Variants in CEP135 observed in about 807,000 individuals in gnomAD.
The protein encoded by CEP135 is centrosomal protein 135, also known as centrosomal protein of 135 kDa.
CEP135 carries 142 observed loss-of-function variants against 157.3 expected under a neutral mutation model. The observed-to-expected ratio is 0.90, with a 90% CI of 0.79 to 1.04. The LOEUF (loss-of-function observed/expected upper bound fraction) is 1.04. Among genes scored for constraint, CEP135 ranks in the 50% least tolerant of loss-of-function variants. The pLI, the probability that CEP135 is intolerant of heterozygous loss-of-function variation, is 0.00. For missense variants in CEP135, 1,317 were observed against 1,309.2 expected (o/e 1.01, Z -0.09); for synonymous variants, 396 against 439.8 (o/e 0.90, Z 1.25).
At chr4:56,020,931 G>A in intron 24 of CEP135, 151 bp downstream of exon 24, 1 of 555,442 alleles carries the variant, frequency 1.8e-6, no homozygotes, top group Admixed American at 3.5e-5. Flanking sequence ...TTTAAAAAAG[G>A]CAACAAGTGT....
intron 5 of CEP135, 54 bp downstream of exon 5, chr4:55,957,418 T>C: frequency 1.3e-6 from 2 of 1,554,556 alleles, no homozygotes; most frequent in Non-Finnish European, 1.7e-6. Flanking sequence ...CAATTAGCTG[T>C]AAGTTTCTTG....
At chr4:55,962,552 A>C (rs1173035008) in intron 6 of CEP135, among the ~76,000 whole-genome samples, 1 of 152,086 alleles carries the variant, frequency 6.6e-6, no homozygotes, top group Non-Finnish European at 1.5e-5. Context: ...TGTCTTCTGC[A>C]CTCACTATGT....
At chr4:55,974,668 G>T (rs1417624763) in intron 10 of CEP135, 78 bp from the exon 11 acceptor site, 3 of 1,056,030 alleles carry the variant, frequency 2.8e-6, no homozygotes, top group Non-Finnish European at 4.1e-6. Context: ...CATTCTAAAA[G>T]TTATTAATAT....
At chr4:55,978,923 C>T (rs1460024467) in intron 11 of CEP135, among the ~76,000 whole-genome samples, 1 of 152,196 alleles carries the variant, frequency 6.6e-6, no homozygotes, top group Non-Finnish European at 1.5e-5. Flanking sequence ...TCCCAAAACA[C>T]TAATCTGCTT....
Position 55,974,817 on chromosome 4 carries a change from T to G in CEP135, c.1321T>G (p.Ser441Ala). The G allele has an allele frequency of 6.2e-7, 1 of 1,613,900 alleles. No homozygotes were observed. The highest frequency in any genetic ancestry group is 8.5e-7 in the Non-Finnish European group (1 of 1,179,886). ...AATAAAACGTCGAGACAGGTCACCT[T>G]CTCGTTTAGATACATTTCTGAAAGG... ...HGIKRRDRSPSRLDTFLKGIE... is the reference protein window; with the variant it reads ...HGIKRRDRSPARLDTFLKGIE... Residue 441 changes from serine (S) to alanine (A), a missense_variant, in exon 11 of 26, where the codon TCT becomes GCT. By Grantham distance (99) the Ser-to-Ala change is moderately conservative. Transcript: ENST00000257287.
chr4:56,019,454 T>C lies in CEP135; in HGVS notation c.3114T>C (p.Ala1038=), dbSNP rs1336450624. The C allele has an allele frequency of 2.5e-6, 4 of 1,613,864 alleles. 1 individual carries two copies. The African/African-American group carries it at 5.3e-5, about 22-fold the overall frequency. ...TTAAAAACCTCGAATCATTGTTGGC[T>C]ACAAACAGAGATAAAGAATTTCATT... is the stretch of plus-strand genomic sequence containing the variant. ...HTVKNLESLL[A]TNRDKEFHSH... The change falls in exon 23 of 26, where the codon GCT becomes GCC. Residue 1038 remains alanine, a synonymous_variant. Transcript: ENST00000257287.
intron 14 of CEP135, among the ~76,000 whole-genome samples, chr4:55,986,189 A>G (rs1421472514): frequency 6.6e-6 from 1 of 152,202 alleles, no homozygotes; most frequent in Non-Finnish European, 1.5e-5. Flanking sequence ...TGCCTGGCAT[A>G]TTGTAAGCTC....
At position 55,965,643 on chromosome 4, in the gene CEP135, G is replaced by T; in HGVS notation, c.829-1G>T. 1 of 1,599,118 alleles carries T rather than the reference G, an allele frequency of 6.3e-7. No individual in the cohort carries two copies. The highest frequency in any genetic ancestry group is 1.1e-5 in the South Asian group (1 of 87,064). ...CCTCATAAATTACAACTCCAATTTA[G>T]GTTGACTTTCTTCAGCAAGCTAATA... On this transcript the variant is annotated splice_acceptor_variant, in intron 7 of 25. Coordinates refer to ENST00000257287, the MANE Select transcript of CEP135 (RefSeq NM_025009.5). LOFTEE classifies it high-confidence loss of function.
At chr4:55,988,025 T>C (rs1215415126) in intron 14 of CEP135, among the ~76,000 whole-genome samples, 1 of 152,154 alleles carries the variant, frequency 6.6e-6, no homozygotes, top group African/African-American at 2.4e-5. Flanking sequence ...TAGTCATGAA[T>C]AATACAATTT....
chr4:56,000,730 T>C (rs1730138602), intron 17 of CEP135, among the ~76,000 whole-genome samples: 1 of 152,214 alleles, frequency 6.6e-6, no homozygotes, highest in Non-Finnish European at 1.5e-5. Context: ...AGATATTTCT[T>C]TGATATATTG....
intron 1 of CEP135, 140 bp from the exon 2 acceptor site, chr4:55,951,946 A>G (rs1216440672): frequency 2.0e-5 from 9 of 441,976 alleles, no homozygotes; most frequent in Non-Finnish European, 3.7e-5. Context: ...CATTGGCTTT[A>G]AATCTGAATT....
intron 4 of CEP135, among the ~76,000 whole-genome samples, chr4:55,954,720 T>C (rs574169132): frequency 1.2e-4 from 18 of 152,338 alleles, no homozygotes; most frequent in Admixed American, 1.1e-3. Context: ...TTAAAGAATT[T>C]GGAAATTATG....
chr4:56,007,613 T>C (rs985659274), intron 17 of CEP135, among the ~76,000 whole-genome samples: 11 of 152,224 alleles, frequency 7.2e-5, no homozygotes, highest in African/African-American at 1.7e-4. Flanking sequence ...TCCTGTGTGT[T>C]GAGGCATGGA....
intron 14 of CEP135, among the ~76,000 whole-genome samples, chr4:55,985,904 C>T (rs1729565927): frequency 6.6e-6 from 1 of 152,250 alleles, no homozygotes. Context: ...GACACCACTG[C>T]ACTCCAGCCT....
In CEP135 at chr4:56,016,883, G is replaced by A. The variant is rs534173685; in HGVS notation, c.2803-765G>A. 8.6e-5 allele frequency among the ~76,000 whole-genome samples: 13 copies of A among 151,808 alleles called. No homozygotes were observed. In the South Asian group the frequency reaches 1.9e-3, roughly 22 times the overall value. ...GAGACAGGTTCTCACTATGTTTCCCGGACTGGTCTCAGACTCCTGGGCTCA... is the reference window on the plus strand; with the variant it reads ...GAGACAGGTTCTCACTATGTTTCCCAGACTGGTCTCAGACTCCTGGGCTCA... On this transcript the variant is annotated intron_variant, in intron 21 of 25. Coordinates refer to ENST00000257287, the MANE Select transcript of CEP135 (RefSeq NM_025009.5).
At chr4:55,951,250 A>G (rs969183538) in intron 1 of CEP135, among the ~76,000 whole-genome samples, 3 of 152,184 alleles carry the variant, frequency 2.0e-5, no homozygotes, top group Admixed American at 6.5e-5. Context: ...TTTTATTTCT[A>G]TAAATACCTG....
rs554829720 is a variant in CEP135 at position 56,022,265 on chromosome 4, C to A, written c.3320+1485C>A. On this transcript the variant is annotated intron_variant, in intron 24 of 25. Transcript: ENST00000257287. Reference sequence around the variant, plus strand: ...CCACAGTTCCTCCCCTTGTTCCTTGCCTCAACGAAACCTTGAGCCTCATGA... The same window carrying A: ...CCACAGTTCCTCCCCTTGTTCCTTGACTCAACGAAACCTTGAGCCTCATGA... Among the ~76,000 whole-genome samples the A allele has an allele frequency of 1.3e-5, 2 of 152,274 alleles. 1 individual carries two copies. The highest frequency in any genetic ancestry group is 4.8e-5 in the African/African-American group (2 of 41,570).
intron 8 of CEP135, 129 bp from the exon 9 acceptor site, chr4:55,968,934 G>T: frequency 1.9e-6 from 1 of 536,508 alleles, no homozygotes; most frequent in South Asian, 3.9e-5. Context: ...GAAATTGATA[G>T]GGATAAAGCC....
intron 1 of CEP135, among the ~76,000 whole-genome samples, chr4:55,950,933 C>T (rs533685686): frequency 5.3e-5 from 8 of 152,264 alleles, no homozygotes; most frequent in Middle Eastern, 3.4e-3. Context: ...ATCTGCAGCC[C>T]GCCTCACCTC....
Sources: allele counts gnomAD v4.1 joint callset (sites outside exome capture counted in the v4.1 genomes callset), GRCh38; gene constraint gnomAD v4.1.1; transcripts MANE v1.5; gene names NCBI Gene and HGNC (gene_info 2026-07-23, HGNC 2026-07-21).